Variants in FRY observed in about 807,000 individuals in gnomAD.
The protein encoded by FRY is FRY microtubule binding protein, also known as protein furry homolog.
A neutral mutation model predicts 348.4 loss-of-function variants in FRY; 128 were observed. The observed-to-expected ratio is 0.37, with a 90% CI of 0.32 to 0.43. FRY has a LOEUF of 0.43. Ranked by LOEUF, FRY falls within the 20% of genes least tolerant of loss-of-function variation. The pLI is 1.00. For missense variants in FRY, 2,736 were observed against 3,695.2 expected (o/e 0.74, Z 6.73); for synonymous variants, 1,370 against 1,374.7 (o/e 1.00, Z 0.08).
At chr13:32,136,429 G>A (rs1593654571) in intron 10 of FRY, among the ~76,000 whole-genome samples, 1 of 152,132 alleles carries the variant, frequency 6.6e-6, no homozygotes, top group South Asian at 2.1e-4. Context: ...AGAAAATATA[G>A]ACAACTACCT....
intron 29 of FRY, among the ~76,000 whole-genome samples, chr13:32,194,501 T>G (rs1883558721): frequency 6.6e-6 from 1 of 152,236 alleles, no homozygotes; most frequent in African/African-American, 2.4e-5. Flanking sequence ...AGGAAATGAT[T>G]TGTTGTTATA....
chr13:32,105,897 C>A (rs1265163854), intron 3 of FRY, among the ~76,000 whole-genome samples: 2 of 151,888 alleles, frequency 1.3e-5, no homozygotes, highest in Non-Finnish European at 2.9e-5. Flanking sequence ...ACTCCTCTAC[C>A]TAACCAGCCC....
intron 37 of FRY, 36 bp from the exon 38 acceptor site, chr13:32,224,897 C>G (rs754100188): frequency 8.4e-7 from 1 of 1,189,260 alleles, no homozygotes; most frequent in South Asian, 1.2e-5. Context: ...CCATCCCCTT[C>G]AGAAGTTGCA....
intron 49 of FRY, among the ~76,000 whole-genome samples, chr13:32,251,097 A>G (rs936463263): frequency 6.6e-6 from 1 of 152,230 alleles, no homozygotes; most frequent in African/African-American, 2.4e-5. Flanking sequence ...CAGTTTCCAC[A>G]TAACAAACCG....
chr13:32,245,986 A>AT (rs937343683), intron 47 of FRY, among the ~76,000 whole-genome samples: 4 of 152,142 alleles, frequency 2.6e-5, no homozygotes, highest in African/African-American at 9.7e-5. Context: ...ACTTCCAAGC[A>AT]TTTTTCAAGT....
intron 48 of FRY, among the ~76,000 whole-genome samples, chr13:32,248,770 G>C (rs1208680013): frequency 6.6e-6 from 1 of 152,052 alleles, no homozygotes. Context: ...ACCTGGCTAG[G>C]GGGAAAAGCT....
rs1311783071 is a variant in FRY at position 32,265,373 on chromosome 13, T to C, written c.7780-77T>C. The C allele has an allele frequency of 8.8e-6, 12 of 1,369,774 alleles. No homozygotes were observed. The Admixed American group carries it at 2.0e-4, about 23-fold the overall frequency. The allele number at this position is 1,369,774 out of a possible 1,614,324, so 84.9% of individuals were successfully genotyped here. A position where few individuals can be genotyped will look rare whatever the true frequency, so the allele number is the denominator to read the frequency against. On this transcript the variant is annotated intron_variant, in intron 53 of 60. Coordinates refer to ENST00000542859, the MANE Select transcript of FRY (RefSeq NM_023037.3). ...CCATCAGCATTTCAGTCTCTCTTAT[T>C]TGTTCCTTAGTTGAACAGGTTGTCC... is the stretch of plus-strand genomic sequence containing the variant.
At chr13:32,268,505 A>ATAT (rs1555273231) in intron 55 of FRY, among the ~76,000 whole-genome samples, 1 of 28,298 alleles carries the variant, frequency 3.5e-5, no homozygotes, top group Non-Finnish European at 8.2e-5. Context: ...AAAAAAAAAA[A>ATAT]ATATATATAT....
At chr13:32,106,701 A>G (rs896492781) in intron 3 of FRY, among the ~76,000 whole-genome samples, 2 of 152,238 alleles carry the variant, frequency 1.3e-5, no homozygotes, top group South Asian at 2.1e-4. Flanking sequence ...ACATCTAGCT[A>G]TAAGAAAGGT....
At chr13:32,156,201 T>G (rs1003220522) in intron 15 of FRY, among the ~76,000 whole-genome samples, 2 of 152,238 alleles carry the variant, frequency 1.3e-5, no homozygotes, top group Admixed American at 6.5e-5. Flanking sequence ...AGACACCTAC[T>G]ACAAACTTTA....
intron 3 of FRY, among the ~76,000 whole-genome samples, chr13:32,110,621 C>T (rs11617920): frequency 0.2 from 30,507 of 151,768 alleles, 3,685 homozygotes; most frequent in Non-Finnish European, 0.28. Context: ...AAGTCAGAAA[C>T]GAATATTCTT....
chr13:32,275,304 C>CATGACCCCG (rs1163267146), intron 56 of FRY, among the ~76,000 whole-genome samples: 1 of 151,862 alleles, frequency 6.6e-6, no homozygotes, highest in Non-Finnish European at 1.5e-5. Context: ...AGGAGAATGG[C>CATGACCCCG]ATGACCCCGG....
rs552249398 is a variant in FRY, at chr13:32,273,222, CTT to C, written c.8137-1602_8137-1601del. Among the ~76,000 whole-genome samples, 19 of 124,142 alleles carry C rather than the reference CTT, an allele frequency of 1.5e-4. No individual in the cohort carries two copies. The South Asian group carries it at 2.3e-3, about 15-fold the overall frequency. The allele number at this position is 124,142 out of a possible 152,430, so 81.4% of individuals were successfully genotyped here. On this transcript the variant is annotated intron_variant, in intron 55 of 60. Transcript: ENST00000542859. The stretch of plus-strand genomic sequence containing the variant: ...ACCTTAAGCGAGTCATTTAACTGTT[CTT>C]TTTTTTTTTTTTTTTTTGAGACGGA...
At chr13:32,098,735 C>T (rs918706351) in intron 2 of FRY, among the ~76,000 whole-genome samples, 4 of 152,012 alleles carry the variant, frequency 2.6e-5, no homozygotes, top group Admixed American at 1.3e-4. Context: ...TTCAGTGTTC[C>T]ACCCCGGCAT....
chr13:32,206,646 C>G (rs1884367218), intron 31 of FRY, among the ~76,000 whole-genome samples: 1 of 152,178 alleles, frequency 6.6e-6, no homozygotes. Context: ...AAGAGAGAAA[C>G]AGTCCAGCAA....
Position 32,209,210 on chromosome 13 carries a change from C to T in FRY, c.4275+101C>T. On this transcript the variant is annotated intron_variant, in intron 32 of 60. Transcript: ENST00000542859. ...GGGAAAATGGGATTCCTTTAAAAAT[C>T]ACATGACTGGGGATAAATAGTGGTG... is the stretch of plus-strand genomic sequence containing the variant. 6 of 1,312,016 alleles carry T rather than the reference C, an allele frequency of 4.6e-6. No homozygotes were observed. In the South Asian group the frequency reaches 7.2e-5, roughly 16 times the overall value. The allele number at this position is 1,312,016 out of a possible 1,614,324, so 81.3% of individuals were successfully genotyped here. A position where few individuals can be genotyped will look rare whatever the true frequency, so the allele number is the denominator to read the frequency against.
chr13:32,048,515 G>C (rs1873147070), intron 1 of FRY, among the ~76,000 whole-genome samples: 1 of 152,154 alleles, frequency 6.6e-6, no homozygotes, highest in Non-Finnish European at 1.5e-5. Flanking sequence ...GAGAGAAATT[G>C]TTTGTTTATT....
chr13:32,272,952 G>A (rs564825956), intron 55 of FRY, among the ~76,000 whole-genome samples: 1 of 151,802 alleles, frequency 6.6e-6, no homozygotes, highest in South Asian at 2.1e-4. Context: ...CACCATGTTG[G>A]CCAGGCAGGT....
chr13:32,149,899 C>A lies in FRY; in HGVS notation c.1479+65C>A, dbSNP rs569202803. The A allele has an allele frequency of 5.9e-5, 59 of 997,766 alleles. No homozygotes were observed. The South Asian group carries it at 7.3e-4, about 12-fold the overall frequency. The allele number at this position is 997,766 out of a possible 1,614,324, so 61.8% of individuals were successfully genotyped here. The stretch of plus-strand genomic sequence containing the variant: ...CTTCCGGAGCCATACCTTTGCTTTG[C>A]GGCTTTGGAGAATGGGATGAGGGAT... On this transcript the variant is annotated intron_variant, in intron 14 of 60. Coordinates refer to ENST00000542859, the MANE Select transcript of FRY (RefSeq NM_023037.3).
Sources: allele counts gnomAD v4.1 joint callset (sites outside exome capture counted in the v4.1 genomes callset), GRCh38; gene constraint gnomAD v4.1.1; transcripts MANE v1.5; gene names NCBI Gene and HGNC (gene_info 2026-07-23, HGNC 2026-07-21).